The following NOL11 variants were observed in gnomAD, a reference collection of about 807,000 sequenced individuals.
NOL11 encodes nucleolar protein 11.
NOL11 carries 42 observed loss-of-function variants against 93.0 expected under a neutral mutation model. The observed-to-expected ratio is 0.45, with a 90% CI of 0.35 to 0.58. The LOEUF is 0.58. Ranked by LOEUF, NOL11 falls within the 20% of genes least tolerant of loss-of-function variation. The pLI is 0.00. For synonymous variants in NOL11, 296 were observed against 293.7 expected (o/e 1.01, Z -0.08); for missense variants, 775 against 841.8 (o/e 0.92, Z 0.98).
intron 2 of NOL11, 57 bp downstream of exon 2, chr17:67,719,844 T>C: frequency 3.4e-6 from 5 of 1,488,060 alleles, no homozygotes; most frequent in Non-Finnish European, 3.7e-6. Flanking sequence ...TATTAACTAT[T>C]TGTATTTATT....
intron 14 of NOL11, 57 bp from the exon 15 acceptor site, chr17:67,738,875 A>G (rs1382006803): frequency 1.8e-6 from 2 of 1,125,662 alleles, no homozygotes; most frequent in African/African-American, 1.6e-5. Context: ...GAAGTTACTC[A>G]TAAGTTCAAT....
At chr17:67,726,676 G>A (rs550994836) in intron 7 of NOL11, 28 bp downstream of exon 7, 2 of 1,507,016 alleles carry the variant, frequency 1.3e-6, no homozygotes, top group African/African-American at 2.8e-5. Context: ...CATTAAGAAG[G>A]CCTTTGTATG....
At position 67,741,282 on chromosome 17, in the gene NOL11, C is replaced by T. The variant is rs560349481; in HGVS notation, c.1935+1674C>T. ...ATGGGGTTTTACCGTATTGACCAGG[C>T]TCATCTCAAACTCCTGACCTCAGGT... On this transcript the variant is annotated intron_variant, in intron 16 of 17. Coordinates refer to ENST00000253247, the MANE Select transcript of NOL11 (RefSeq NM_015462.5). Among the ~76,000 whole-genome samples, 115 of 152,214 alleles carry T rather than the reference C, an allele frequency of 7.6e-4. 2 individuals are homozygous for T. Among genetic ancestry groups the T allele is most frequent in the African/African-American group, 2.6e-3 (109 of 41,534 alleles).
chr17:67,719,903 A>T lies in NOL11; in HGVS notation c.256-3A>T. On this transcript the variant is annotated splice_region_variant and splice_polypyrimidine_tract_variant and intron_variant, in intron 2 of 17. Transcript: ENST00000253247. ...GTTTTTAACTAGTATGTTTTGATTT[A>T]AGGTTTTAAGAATATGGAATAATGA... 2 of 1,566,480 alleles carry T rather than the reference A, an allele frequency of 1.3e-6. No individual in the cohort carries two copies. The highest frequency in any genetic ancestry group is 1.7e-6 in the Non-Finnish European group (2 of 1,149,464).
Position 67,738,162 on chromosome 17 carries a change from G to C in NOL11, c.1570G>C (p.Glu524Gln), listed in dbSNP as rs150279090. 4.5e-4 allele frequency: 721 copies of C among 1,612,632 alleles called. 11 individuals carry two copies. In the East Asian group the frequency reaches 0.016, roughly 36 times the overall value. The change falls in exon 14 of 18, where the codon GAG becomes CAG. Residue 524 changes from glutamate (E) to glutamine (Q), a missense_variant. Around this residue, in one of 2 missense-constraint regions of NOL11, gnomAD observed 416 missense variants for 525.2 expected, o/e 0.79. Transcript: ENST00000253247. Reference sequence around the variant, plus strand: ...TCTTCAAGAAACAGATGTTAATATGGAGTCAGTTTTTGACTATAGTATAAA... The same window carrying C: ...TCTTCAAGAAACAGATGTTAATATGCAGTCAGTTTTTGACTATAGTATAAA... ...DSLQETDVNM[E>Q]SVFDYSINSV...
rs140893241 is a variant in NOL11 at position 67,743,497 on chromosome 17, C to T, written c.1954C>T (p.Leu652=). The part of the protein sequence containing the change: ...TLNQIMDWIC[L]LLDANFTVVV... ...TCTTCAGATTATGGATTGGATATGT[C>T]TACTTCTGGATGCAAATTTTACTGT... Residue 652 remains leucine, a synonymous_variant, in exon 17 of 18, where the codon CTA becomes TTA. Coordinates refer to ENST00000253247, the MANE Select transcript of NOL11 (RefSeq NM_015462.5). 5.3e-4 allele frequency: 821 copies of T among 1,552,028 alleles called. 2 individuals are homozygous for T. Among genetic ancestry groups the T allele is most frequent in the Non-Finnish European group, 6.2e-4 (700 of 1,127,602 alleles).
intron 6 of NOL11, among the ~76,000 whole-genome samples, chr17:67,725,044 C>T (rs956552142): frequency 2.0e-5 from 3 of 152,126 alleles, no homozygotes; most frequent in East Asian, 3.9e-4. Context: ...GGGGACAGAG[C>T]GAGACTCGAG....
chr17:67,721,557 C>A, intron 4 of NOL11, 31 bp downstream of exon 4: 1 of 1,582,674 alleles, frequency 6.3e-7, no homozygotes, highest in South Asian at 1.1e-5. Flanking sequence ...GTAAATTTAT[C>A]AAAATAAAAA....
chr17:67,728,625 GT>G (rs912250311), intron 7 of NOL11, among the ~76,000 whole-genome samples: 12 of 150,952 alleles, frequency 7.9e-5, no homozygotes, highest in Admixed American at 4.6e-4. Context: ...TCTTCCTATG[GT>G]TTTTTTTTGG....
Position 67,729,097 on chromosome 17 carries a change from G to GT in NOL11, c.853+2451dup, listed in dbSNP as rs964968022. 7.7e-5 allele frequency among the ~76,000 whole-genome samples: 4 copies of GT among 52,240 alleles called. 1 individual carries two copies. The highest frequency in any genetic ancestry group is 2.5e-4 in the African/African-American group (4 of 16,228). The allele number at this position is 52,240 out of a possible 152,430, so 34.3% of individuals were successfully genotyped here. A position where few individuals can be genotyped will look rare whatever the true frequency, so the allele number is the denominator to read the frequency against. Reference sequence around the variant, plus strand: ...CTTCTGTCTAGTTTTTTTTGTTGTTGTTGTTTTTTTTTTTGAGACAGAGTT... The same window carrying GT: ...CTTCTGTCTAGTTTTTTTTGTTGTTGTTTGTTTTTTTTTTTGAGACAGAGTT... On this transcript the variant is annotated intron_variant, in intron 7 of 17. Coordinates refer to ENST00000253247, the MANE Select transcript of NOL11 (RefSeq NM_015462.5).
At chr17:67,730,726 A>G (rs961375846) in intron 7 of NOL11, among the ~76,000 whole-genome samples, 1 of 152,260 alleles carries the variant, frequency 6.6e-6, no homozygotes, top group Non-Finnish European at 1.5e-5. Context: ...GCAATGCATA[A>G]TAATCACGTC....
At position 67,738,109 on chromosome 17, in the gene NOL11, A is replaced by T; in HGVS notation, c.1530-13A>T. 2.5e-6 allele frequency: 4 copies of T among 1,588,900 alleles called. No homozygotes were observed. Among genetic ancestry groups the T allele is most frequent in the Non-Finnish European group, 3.4e-6 (4 of 1,161,934 alleles). ...GATAAGGATTAACCTCTTGCTTTCA[A>T]CTACCATCATAGCATTGGTGATGAC... On this transcript the variant is annotated splice_polypyrimidine_tract_variant and intron_variant, in intron 13 of 17. Transcript: ENST00000253247.
intron 16 of NOL11, among the ~76,000 whole-genome samples, chr17:67,742,525 A>C (rs1385818524): frequency 6.6e-6 from 1 of 152,186 alleles, no homozygotes; most frequent in Non-Finnish European, 1.5e-5. Flanking sequence ...TTAAAATTAA[A>C]GTTTTCCTCT....
intron 14 of NOL11, 66 bp from the exon 15 acceptor site, chr17:67,738,866 A>G: frequency 2.0e-6 from 2 of 984,974 alleles, no homozygotes; most frequent in Non-Finnish European, 3.2e-6. Flanking sequence ...TTGACAAAGG[A>G]AGTTACTCAT....
intron 7 of NOL11, among the ~76,000 whole-genome samples, chr17:67,732,056 G>A (rs76855943): frequency 0.025 from 3,812 of 152,284 alleles, 150 homozygotes; most frequent in African/African-American, 0.087. Context: ...AGGTTGCTTT[G>A]TGTGGTATTG....
chr17:67,728,009 C>T (rs995388752), intron 7 of NOL11, among the ~76,000 whole-genome samples: 2 of 151,854 alleles, frequency 1.3e-5, no homozygotes, highest in Non-Finnish European at 2.9e-5. Context: ...GCCTGTAATC[C>T]CAGCACTTTG....
At chr17:67,719,439 T>C in intron 1 of NOL11, 1 of 285,868 alleles carries the variant, frequency 3.5e-6, no homozygotes, top group Admixed American at 5.1e-5. Context: ...TTTTGTGTTT[T>C]TAGTAGAGAC....
At chr17:67,736,217 G>A (rs757511341) in intron 9 of NOL11, among the ~76,000 whole-genome samples, 194 bp downstream of exon 9, 7 of 151,922 alleles carry the variant, frequency 4.6e-5, no homozygotes, top group East Asian at 3.9e-4. Context: ...AGGCAGAGGC[G>A]GGAGGATAGC....
At position 67,724,438 on chromosome 17, in the gene NOL11, A is replaced by G. The variant is rs181721232; in HGVS notation, c.664+245A>G. ...AACCTCTGCCTCCCAGAGTCAAACAATTCTCCTGCCTCAGCCTCCTGAGTA... is the reference window on the plus strand; with the variant it reads ...AACCTCTGCCTCCCAGAGTCAAACAGTTCTCCTGCCTCAGCCTCCTGAGTA... On this transcript the variant is annotated intron_variant, in intron 6 of 17. Transcript: ENST00000253247. Among the ~76,000 whole-genome samples, 76 of 151,184 alleles carry G rather than the reference A, an allele frequency of 5.0e-4. 1 individual carries two copies. The East Asian group carries it at 7.6e-3, about 15-fold the overall frequency.
Sources: allele counts gnomAD v4.1 joint callset (sites outside exome capture counted in the v4.1 genomes callset), GRCh38; gene constraint gnomAD v4.1.1; regional missense constraint gnomAD v4.1.1; transcripts MANE v1.5; gene names NCBI Gene and HGNC (gene_info 2026-07-23, HGNC 2026-07-21).